The following CIDEA variants were observed in gnomAD, a reference collection of about 807,000 sequenced individuals.
CIDEA encodes the protein lipid transferase CIDEA.
CIDEA carries 10 observed loss-of-function variants against 18.2 expected under a neutral mutation model. That is an observed-to-expected ratio of 0.55 (90% CI 0.34 to 0.93). The LOEUF (loss-of-function observed/expected upper bound fraction) is 0.93, where lower values mean the gene tolerates loss of function less well. Among genes scored for constraint, CIDEA ranks in the 40% least tolerant of loss-of-function variants. The pLI, the probability that CIDEA is intolerant of heterozygous loss-of-function variation, is 0.02. For missense variants in CIDEA, 309 were observed against 293.1 expected, an observed-to-expected ratio of 1.05 and a Z score of -0.40; for synonymous variants, 128 against 124.8, an observed-to-expected ratio of 1.03 and a Z score of -0.17.
At chr18:12,254,522 C>G (rs910606288) in intron 1 of CIDEA, 101 bp downstream of exon 1, 8 of 1,537,584 alleles carry the variant, frequency 5.2e-6, no homozygotes, top group Non-Finnish European at 7.0e-6. Context: ...ACCCCGCTCC[C>G]TTCAGCCCCC....
intron 4 of CIDEA, 77 bp from the exon 5 acceptor site, chr18:12,277,046 T>G: frequency 6.6e-7 from 1 of 1,523,974 alleles, no homozygotes; most frequent in Non-Finnish European, 9.0e-7. Context: ...GTGGGGGGAG[T>G]GAAGTATTCC....
At chr18:12,264,181 T>C (rs1329167118) in intron 2 of CIDEA, 126 bp from the exon 3 acceptor site, 2 of 862,870 alleles carry the variant, frequency 2.3e-6, no homozygotes, top group Non-Finnish European at 3.4e-6. Flanking sequence ...CAAGGTTACC[T>C]TTACCATTAA....
intron 1 of CIDEA, 134 bp downstream of exon 1, chr18:12,254,555 T>C (rs1350003743): frequency 1.1e-6 from 1 of 874,118 alleles, no homozygotes; most frequent in Admixed American, 2.9e-5. Context: ...TCTCTTGCGC[T>C]CCGCGACCCC....
intron 1 of CIDEA, among the ~76,000 whole-genome samples, chr18:12,259,788 G>A (rs560945399): frequency 2.3e-4 from 35 of 152,302 alleles, no homozygotes; most frequent in African/African-American, 7.7e-4. Context: ...TTGAACCCGA[G>A]AAGCAGAGGC....
chr18:12,276,978 C>CT (rs2144092900), intron 4 of CIDEA, 145 bp from the exon 5 acceptor site: 1 of 903,462 alleles, frequency 1.1e-6, no homozygotes, highest in Non-Finnish European at 1.7e-6. Context: ...CACGTGCACT[C>CT]TGAGAGTCAG....
chr18:12,262,690 T>C (rs147160604), intron 1 of CIDEA, 135 bp from the exon 2 acceptor site: 7 of 810,690 alleles, frequency 8.6e-6, no homozygotes, highest in Non-Finnish European at 1.4e-5. Flanking sequence ...CTTGTATATA[T>C]AATTTTTAGT....
At position 12,264,360 on chromosome 18, in the gene CIDEA, A is replaced by G. The variant is rs894112573; in HGVS notation, c.237A>G (p.Glu79=). Residue 79 remains glutamate (E), a synonymous_variant, in exon 3 of 5, where the codon GAA becomes GAG. Transcript: ENST00000320477. ...ATGLVTLVLE[E]DGTVVDTEEF... ...GACTGGTCACTCTGGTGCTGGAGGA[A>G]GATGGCACCGTGGTGGACACAGAAG... 5 of 1,614,010 alleles carry G rather than the reference A, an allele frequency of 3.1e-6. No individual in the cohort carries two copies. Among genetic ancestry groups the G allele is most frequent in the Non-Finnish European group, 4.2e-6 (5 of 1,179,898 alleles).
At chr18:12,269,447 G>A (rs990923501) in intron 3 of CIDEA, among the ~76,000 whole-genome samples, 4 of 152,200 alleles carry the variant, frequency 2.6e-5, no homozygotes, top group South Asian at 2.1e-4. Flanking sequence ...TTTTCAGAAA[G>A]GTCAGATGCA....
chr18:12,262,885 A>G lies in CIDEA; in HGVS notation c.99A>G (p.Pro33=). 6.2e-7 allele frequency: 1 copy of G among 1,614,194 alleles called. No homozygotes were observed. Among genetic ancestry groups the G allele is most frequent in the South Asian group, 1.1e-5 (1 of 91,078 alleles). ...KRVLFTPLMH[P]ARPFRVSNHD... ...TCCTGTTCACCCCGCTCATGCATCC[A>G]GCTCGCCCTTTCCGGGTCTCCAACC... is the stretch of plus-strand genomic sequence containing the variant. Residue 33 remains proline, a synonymous_variant, in exon 2 of 5, where the codon CCA becomes CCG. Coordinates refer to ENST00000320477, the MANE Select transcript of CIDEA (RefSeq NM_001279.4).
At chr18:12,269,492 C>T (rs1160533933) in intron 3 of CIDEA, among the ~76,000 whole-genome samples, 1 of 152,142 alleles carries the variant, frequency 6.6e-6, no homozygotes, top group African/African-American at 2.4e-5. Context: ...TGAAGTTGGC[C>T]TCCTCTGTTA....
At chr18:12,273,465 G>C (rs1219720686) in intron 3 of CIDEA, among the ~76,000 whole-genome samples, 5 of 152,136 alleles carry the variant, frequency 3.3e-5, no homozygotes, top group African/African-American at 1.2e-4. Flanking sequence ...ATAAACCTGG[G>C]ATGTGTAGAG....
intron 3 of CIDEA, among the ~76,000 whole-genome samples, chr18:12,273,856 C>T (rs1912620067): frequency 6.6e-6 from 1 of 152,242 alleles, no homozygotes; most frequent in East Asian, 1.9e-4. Context: ...ACACCAGACT[C>T]ACCCTGAGTC....
intron 1 of CIDEA, chr18:12,254,979 C>T (rs1477575148): frequency 2.5e-6 from 3 of 1,195,290 alleles, no homozygotes; most frequent in East Asian, 1.2e-4. Flanking sequence ...GGGAGAAGCG[C>T]TCCTCCTTGC....
At chr18:12,268,380 GTTTT>G (rs11461529) in intron 3 of CIDEA, among the ~76,000 whole-genome samples, 1 of 136,284 alleles carries the variant, frequency 7.3e-6, no homozygotes, top group East Asian at 2.2e-4. Context: ...GCCCCCAGTG[GTTTT>G]TTTTTTTTTT....
At chr18:12,270,755 T>G (rs918286094) in intron 3 of CIDEA, among the ~76,000 whole-genome samples, 1 of 146,052 alleles carries the variant, frequency 6.8e-6, no homozygotes, top group South Asian at 2.2e-4. Context: ...CTATTAATTG[T>G]GGGGTGAATT....
chr18:12,267,775 A>G (rs557528220), intron 3 of CIDEA, among the ~76,000 whole-genome samples: 24 of 152,250 alleles, frequency 1.6e-4, no homozygotes, highest in Admixed American at 1.3e-3. Context: ...GATTACAGGC[A>G]TGAGCCACCA....
chr18:12,259,529 T>C (rs879591020), intron 1 of CIDEA, among the ~76,000 whole-genome samples: 4 of 152,176 alleles, frequency 2.6e-5, no homozygotes, highest in Non-Finnish European at 5.9e-5. Context: ...GGGGCAATAG[T>C]TTCCTTGCAA....
chr18:12,262,992 C>A, intron 2 of CIDEA, 23 bp downstream of exon 2: 3 of 1,612,336 alleles, frequency 1.9e-6, no homozygotes, highest in South Asian at 2.2e-5. Flanking sequence ...CCGCACCTCT[C>A]CCCCAGTCCA....
chr18:12,256,539 A>G (rs1912040083), intron 1 of CIDEA, among the ~76,000 whole-genome samples: 1 of 152,248 alleles, frequency 6.6e-6, no homozygotes. Context: ...TGACTATCAC[A>G]GACAAAGTCT....
Sources: gnomAD v4.1 joint callset for allele counts (sites outside exome capture counted in the v4.1 genomes callset) on GRCh38, gnomAD v4.1.1 for gene constraint, MANE v1.5 for transcripts, NCBI Gene and HGNC (gene_info 2026-07-23, HGNC 2026-07-21) for gene names.